UBTD2: variants seen among roughly 807,000 people sequenced by gnomAD.
UBTD2 encodes ubiquitin domain containing 2.
UBTD2 carries 9 observed loss-of-function variants against 19.8 expected under a neutral mutation model. The ratio of observed to expected loss-of-function variants is 0.46; its 90% confidence interval spans 0.27 to 0.79. UBTD2 has a LOEUF of 0.79. Ranked by LOEUF, UBTD2 falls within the 30% of genes least tolerant of loss-of-function variation. The pLI, the probability that UBTD2 is intolerant of heterozygous loss-of-function variation, is 0.14. For synonymous variants in UBTD2, 98 were observed against 103.9 expected, an observed-to-expected ratio of 0.94 and a Z score of 0.35; for missense variants, 250 against 300.4, an observed-to-expected ratio of 0.83 and a Z score of 1.24.
rs552401121 is a variant in UBTD2 at position 172,254,785 on chromosome 5, C to T, written c.71-20427G>A. ...GGGGTGACATTTCTTCAGGATAATCCGTCCTCTGTGGTTCAATCCCAGGTT... is the reference window on the plus strand; with the variant it reads ...GGGGTGACATTTCTTCAGGATAATCTGTCCTCTGTGGTTCAATCCCAGGTT... On this transcript the variant is annotated intron_variant, in intron 1 of 2. Transcript: ENST00000393792. 6.4e-5 allele frequency: 34 copies of T among 534,834 alleles called. 1 individual carries two copies. Among genetic ancestry groups the T allele is most frequent in the South Asian group, 5.9e-4 (27 of 45,962 alleles). 33.1% of individuals were successfully genotyped at this position (534,834 alleles called of 1,614,324 possible).
At chr5:172,263,689 G>A (rs1581230997) in intron 1 of UBTD2, among the ~76,000 whole-genome samples, 2 of 152,210 alleles carry the variant, frequency 1.3e-5, no homozygotes, top group East Asian at 3.9e-4. Flanking sequence ...AGCTACTCCG[G>A]AGGCTGAGGC....
rs1488894101 is a variant in UBTD2 at position 172,283,504 on chromosome 5, G to A, written c.70+92C>T. 3 of 1,019,246 alleles carry A rather than the reference G, an allele frequency of 2.9e-6. No individual in the cohort carries two copies. The East Asian group carries it at 1.0e-4, about 35-fold the overall frequency. 63.1% of individuals were successfully genotyped at this position (1,019,246 alleles called of 1,614,324 possible). On this transcript the variant is annotated intron_variant, in intron 1 of 2. Coordinates refer to ENST00000393792, the MANE Select transcript of UBTD2 (RefSeq NM_152277.3). The surrounding 1 kb of genome is among the most constrained non-coding windows in gnomAD (Gnocchi z 4.3). ...GAAGAGGGGATGACAAAGGGGCGCG[G>A]GGGCCCGGCGCGGCCCGCGGGGGTC... is the stretch of plus-strand genomic sequence containing the variant.
At chr5:172,230,693 G>A (rs760936858) in intron 2 of UBTD2, among the ~76,000 whole-genome samples, 8 of 152,050 alleles carry the variant, frequency 5.3e-5, no homozygotes, top group Non-Finnish European at 7.4e-5. Flanking sequence ...TCAAGTCTAT[G>A]TAATAATTTA....
chr5:172,273,590 C>CAAAAAAAAA lies in UBTD2; in HGVS notation c.70+9997_70+10005dup, dbSNP rs35687001. Among the ~76,000 whole-genome samples, 69 of 36,408 alleles carry CAAAAAAAAA rather than the reference C, an allele frequency of 1.9e-3. 1 individual carries two copies. Among genetic ancestry groups the CAAAAAAAAA allele is most frequent in the South Asian group, 3.0e-3 (3 of 1,014 alleles). 23.9% of individuals were successfully genotyped at this position (36,408 alleles called of 152,430 possible). A position where few individuals can be genotyped will look rare whatever the true frequency, so the allele number is the denominator to read the frequency against. Reference sequence around the variant, plus strand: ...TGGGCGACAGAGTGAGACTCCGTCTCAAAAAAAAAAAAAAAAAAAAAAAAA... The same window carrying CAAAAAAAAA: ...TGGGCGACAGAGTGAGACTCCGTCTCAAAAAAAAAAAAAAAAAAAAAAAAAAAAAAAAAA... On this transcript the variant is annotated intron_variant, in intron 1 of 2. Transcript: ENST00000393792.
At chr5:172,245,179 T>A (rs1754851015) in intron 1 of UBTD2, among the ~76,000 whole-genome samples, 1 of 152,186 alleles carries the variant, frequency 6.6e-6, no homozygotes, top group Non-Finnish European at 1.5e-5. Context: ...TTTTACCACT[T>A]TATTATTGCC....
intron 1 of UBTD2, among the ~76,000 whole-genome samples, chr5:172,249,025 C>G (rs576174573): frequency 1.3e-5 from 2 of 151,830 alleles, no homozygotes; most frequent in Non-Finnish European, 2.9e-5. Flanking sequence ...TTTAGCTAGA[C>G]TAAGAAAAAA....
At chr5:172,276,382 A>T (rs1001084706) in intron 1 of UBTD2, among the ~76,000 whole-genome samples, 2 of 152,246 alleles carry the variant, frequency 1.3e-5, no homozygotes, top group African/African-American at 4.8e-5. Context: ...ATTTTCTCTC[A>T]CACACACTGC....
chr5:172,237,049 T>C (rs1464044174), intron 1 of UBTD2, among the ~76,000 whole-genome samples: 1 of 152,222 alleles, frequency 6.6e-6, no homozygotes, highest in Non-Finnish European at 1.5e-5. Flanking sequence ...GATGCGTTTA[T>C]GTTGCTTAAG....
At chr5:172,238,749 T>C (rs1022032004) in intron 1 of UBTD2, among the ~76,000 whole-genome samples, 3 of 152,248 alleles carry the variant, frequency 2.0e-5, no homozygotes, top group Non-Finnish European at 2.9e-5. Flanking sequence ...AGTATGATTA[T>C]AATTGTTTTC....
Position 172,211,107 on chromosome 5 carries a change from T to C in UBTD2, c.*723A>G, listed in dbSNP as rs1771434300. On this transcript the variant is annotated 3_prime_UTR_variant, in exon 3 of 3. Coordinates refer to ENST00000393792, the MANE Select transcript of UBTD2 (RefSeq NM_152277.3). Reference sequence around the variant, plus strand: ...AGTATCTGTTGAAACTCAAGAGACCTGACTGTATTGATGAAATTATTGCCT... The same window carrying C: ...AGTATCTGTTGAAACTCAAGAGACCCGACTGTATTGATGAAATTATTGCCT... The C allele has an allele frequency of 6.6e-6, 1 of 152,212 alleles. No individual in the cohort carries two copies. The highest frequency in any genetic ancestry group is 2.4e-5 in the African/African-American group (1 of 41,438). The allele number at this position is 152,212 out of a possible 1,614,324, so 9.4% of individuals were successfully genotyped here. A position where few individuals can be genotyped will look rare whatever the true frequency, so the allele number is the denominator to read the frequency against.
chr5:172,254,257 G>A lies in UBTD2; in HGVS notation c.71-19899C>T, dbSNP rs1009219925. On this transcript the variant is annotated intron_variant, in intron 1 of 2. Transcript: ENST00000393792. Reference sequence around the variant, plus strand: ...TGGGATTACAGGTATCCGCCACCACGCCCGGTTAATTTTTGTATTTTTAGT... The same window carrying A: ...TGGGATTACAGGTATCCGCCACCACACCCGGTTAATTTTTGTATTTTTAGT... Among the ~76,000 whole-genome samples the A allele has an allele frequency of 9.2e-5, 14 of 152,112 alleles. No individual in the cohort carries two copies. The South Asian group carries it at 1.7e-3, about 18-fold the overall frequency.
At chr5:172,219,087 A>C (rs1771604937) in intron 2 of UBTD2, among the ~76,000 whole-genome samples, 1 of 152,182 alleles carries the variant, frequency 6.6e-6, no homozygotes, top group African/African-American at 2.4e-5. Flanking sequence ...AAACTCACAC[A>C]AAACAGACAA....
intron 2 of UBTD2, among the ~76,000 whole-genome samples, chr5:172,227,353 A>C (rs2113885135): frequency 6.6e-6 from 1 of 152,186 alleles, no homozygotes; most frequent in Admixed American, 6.5e-5. Context: ...GTTTGAGGAT[A>C]GAGAGAGAAA....
intron 1 of UBTD2, among the ~76,000 whole-genome samples, chr5:172,280,491 C>G (rs34489474): frequency 0.073 from 9,093 of 125,116 alleles, 368 homozygotes; most frequent in Admixed American, 0.16. Flanking sequence ...GCCTGGGCGA[C>G]AGAGCAAGAC....
At chr5:172,253,030 T>C (rs983409288) in intron 1 of UBTD2, among the ~76,000 whole-genome samples, 1 of 152,108 alleles carries the variant, frequency 6.6e-6, no homozygotes, top group Non-Finnish European at 1.5e-5. Context: ...TGTCACTTAA[T>C]CTTTTGTTTT....
intron 1 of UBTD2, among the ~76,000 whole-genome samples, chr5:172,246,752 T>TG (rs1754891793): frequency 1.0e-4 from 2 of 19,470 alleles, no homozygotes; most frequent in African/African-American, 1.2e-3. Context: ...CCGAGATTGC[T>TG]TTTTTTTTTT....
At chr5:172,252,917 C>G (rs1755059107) in intron 1 of UBTD2, among the ~76,000 whole-genome samples, 1 of 152,104 alleles carries the variant, frequency 6.6e-6, no homozygotes, top group Admixed American at 6.6e-5. Flanking sequence ...TAAATTCTAT[C>G]CAGTTATAAA....
At chr5:172,229,408 G>A (rs1301045300) in intron 2 of UBTD2, among the ~76,000 whole-genome samples, 3 of 148,826 alleles carry the variant, frequency 2.0e-5, no homozygotes, top group Non-Finnish European at 4.4e-5. Context: ...GGCTGAGGCA[G>A]GAGAATGGCG....
chr5:172,213,276 C>T (rs1046424175), intron 2 of UBTD2, among the ~76,000 whole-genome samples: 1 of 152,176 alleles, frequency 6.6e-6, no homozygotes, highest in Middle Eastern at 3.2e-3. Context: ...CAGGCATGAG[C>T]CACCATGCCC....
Sources: gnomAD v4.1 joint callset for allele counts (sites outside exome capture counted in the v4.1 genomes callset) on GRCh38, gnomAD v4.1.1 for gene constraint, Gnocchi (gnomAD v3.1) non-coding constraint, MANE v1.5 for transcripts, NCBI Gene and HGNC (gene_info 2026-07-23, HGNC 2026-07-21) for gene names.